Variants in TMUB1 observed in about 807,000 individuals in gnomAD.
The protein encoded by TMUB1 is transmembrane and ubiquitin-like domain-containing protein 1.
In TMUB1, 9 loss-of-function variants were observed where a neutral mutation model predicts 16.2. That is an observed-to-expected ratio of 0.55 (90% CI 0.33 to 0.97). The LOEUF is 0.97. Among genes scored for constraint, TMUB1 ranks in the 50% least tolerant of loss-of-function variants. TMUB1 has a pLI of 0.03. For missense variants in TMUB1, 309 were observed against 313.5 expected (o/e 0.99, Z 0.11); for synonymous variants, 155 against 152.2 (o/e 1.02, Z -0.13).
In TMUB1 at chr7:151,082,815, C is replaced by T. The variant is rs767665949; in HGVS notation, c.-30-222G>A. 57 of 391,682 alleles carry T rather than the reference C, an allele frequency of 1.5e-4. No homozygotes were observed. Among genetic ancestry groups the T allele is most frequent in the Non-Finnish European group, 2.3e-4 (52 of 221,380 alleles). The allele number at this position is 391,682 out of a possible 1,614,324, so 24.3% of individuals were successfully genotyped here. ...ATCCCAAGTCCTAACTTTCTGTCAT[C>T]TGAGCTCGAGGTCTTCAACCAGCTC... On this transcript the variant is annotated intron_variant, in intron 1 of 2. Transcript: ENST00000297533. The surrounding 1 kb of genome is among the most constrained non-coding windows in gnomAD (Gnocchi z 7.0).
chr7:151,081,554 G>A lies in TMUB1; in HGVS notation c.736C>T (p.Pro246Ser), dbSNP rs750053509. The change falls in exon 3 of 3, where the codon CCG (proline) becomes TCG (serine). Residue 246 changes from proline to serine, a missense_variant. By Grantham distance (74) the Pro-to-Ser change is moderately conservative. Coordinates refer to ENST00000297533, the MANE Select transcript of TMUB1 (RefSeq NM_001136044.2). This position sits in a 1 kb window ranked among gnomAD's most constrained non-coding sequence, Gnocchi z 7.6. ...LSLLAFAMYR[P>S] ...GCCAAGCGCCCGCGGAGGCACTACG[G>A]GCGGTACATGGCAAAGGCCAGGAGA... 1.9e-6 allele frequency: 3 copies of A among 1,593,550 alleles called. No individual in the cohort carries two copies. The highest frequency in any genetic ancestry group is 2.6e-6 in the Non-Finnish European group (3 of 1,168,790).
chr7:151,081,679 A>C lies in TMUB1; in HGVS notation c.611T>G (p.Leu204Arg). 2 of 1,589,936 alleles carry C rather than the reference A, an allele frequency of 1.3e-6. No individual in the cohort carries two copies. The highest frequency in any genetic ancestry group is 1.7e-6 in the Non-Finnish European group (2 of 1,168,560). The change falls in exon 3 of 3, where the codon CTC becomes CGC. Residue 204 changes from leucine to arginine, a missense_variant. Coordinates refer to ENST00000297533, the MANE Select transcript of TMUB1 (RefSeq NM_001136044.2). The surrounding 1 kb of genome is among the most constrained non-coding windows in gnomAD (Gnocchi z 7.6). Reference protein sequence around the residue: ...EIGSLLLPLLLLLLLLLWYCQ... With the variant: ...EIGSLLLPLLRLLLLLLWYCQ... ...GTACCAGAGCAGCAGCAACAGCAGG[A>C]GCAGCAGGGGCAGCAGCAGGCTGCC...
At position 151,081,985 on chromosome 7, in the gene TMUB1, T is replaced by C. The variant is rs878908424; in HGVS notation, c.390-85A>G. The C allele has an allele frequency of 1.4e-6, 2 of 1,398,854 alleles. No individual in the cohort carries two copies. The highest frequency in any genetic ancestry group is 1.9e-6 in the Non-Finnish European group (2 of 1,052,286). 86.7% of individuals were successfully genotyped at this position (1,398,854 alleles called of 1,614,324 possible). ...CGGAACAGCACTCCCACCCTCCCCC[T>C]GCCCTCCACAACACACCGGCCCTGG... On this transcript the variant is annotated intron_variant, in intron 2 of 2. Coordinates refer to ENST00000297533, the MANE Select transcript of TMUB1 (RefSeq NM_001136044.2). The surrounding 1 kb of genome is among the most constrained non-coding windows in gnomAD (Gnocchi z 7.6).
chr7:151,081,963 A>T lies in TMUB1; in HGVS notation c.390-63T>A. 1 of 1,440,946 alleles carries T rather than the reference A, an allele frequency of 6.9e-7. No individual in the cohort carries two copies. The allele number at this position is 1,440,946 out of a possible 1,614,324, so 89.3% of individuals were successfully genotyped here. Reference sequence around the variant, plus strand: ...AGGCAATCCTAGTCCCTGGCCCCGGAACAGCACTCCCACCCTCCCCCTGCC... The same window carrying T: ...AGGCAATCCTAGTCCCTGGCCCCGGTACAGCACTCCCACCCTCCCCCTGCC... On this transcript the variant is annotated intron_variant, in intron 2 of 2. Transcript: ENST00000297533. This position sits in a 1 kb window ranked among gnomAD's most constrained non-coding sequence, Gnocchi z 7.6.
chr7:151,081,990 T>G lies in TMUB1; in HGVS notation c.390-90A>C. On this transcript the variant is annotated intron_variant, in intron 2 of 2. Transcript: ENST00000297533. The surrounding 1 kb of genome is among the most constrained non-coding windows in gnomAD (Gnocchi z 7.6). ...CAGCACTCCCACCCTCCCCCTGCCC[T>G]CCACAACACACCGGCCCTGGCCTGG... 1 of 1,400,718 alleles carries G rather than the reference T, an allele frequency of 7.1e-7. No homozygotes were observed. The highest frequency in any genetic ancestry group is 9.5e-7 in the Non-Finnish European group (1 of 1,054,470). The allele number at this position is 1,400,718 out of a possible 1,614,324, so 86.8% of individuals were successfully genotyped here. A position where few individuals can be genotyped will look rare whatever the true frequency, so the allele number is the denominator to read the frequency against.
chr7:151,082,792 C>T lies in TMUB1; in HGVS notation c.-30-199G>A. On this transcript the variant is annotated intron_variant, in intron 1 of 2. Transcript: ENST00000297533. This position sits in a 1 kb window ranked among gnomAD's most constrained non-coding sequence, Gnocchi z 7.0. ...CGGGTGCCCCTTCCCATCGCCGAAT[C>T]CCAAGTCCTAACTTTCTGTCATCTG... 2.5e-6 allele frequency: 1 copy of T among 408,080 alleles called. No individual in the cohort carries two copies. The highest frequency in any genetic ancestry group is 3.6e-5 in the East Asian group (1 of 27,692). 25.3% of individuals were successfully genotyped at this position (408,080 alleles called of 1,614,324 possible).
In TMUB1 at chr7:151,082,140, T is replaced by A; in HGVS notation, c.389+35A>T. 6.7e-7 allele frequency: 1 copy of A among 1,495,526 alleles called. No homozygotes were observed. Among genetic ancestry groups the A allele is most frequent in the Non-Finnish European group, 8.9e-7 (1 of 1,122,350 alleles). 92.6% of individuals were successfully genotyped at this position (1,495,526 alleles called of 1,614,324 possible). ...TCTGCGACCACTCTCCCAACCCCTG[T>A]CTTTAGCATTGCTCCTGCCTCTTGA... On this transcript the variant is annotated intron_variant, in intron 2 of 2. Coordinates refer to ENST00000297533, the MANE Select transcript of TMUB1 (RefSeq NM_001136044.2). This position sits in a 1 kb window ranked among gnomAD's most constrained non-coding sequence, Gnocchi z 7.0.
chr7:151,081,743 G>A lies in TMUB1; in HGVS notation c.547C>T (p.Pro183Ser). The A allele has an allele frequency of 6.3e-7, 1 of 1,591,070 alleles. No individual in the cohort carries two copies. Among genetic ancestry groups the A allele is most frequent in the Admixed American group, 1.8e-5 (1 of 55,174 alleles). Reference sequence around the variant, plus strand: ...GAGGGGCCGGGCTCGGACCCCGGCGGGCAGGGGGGATTTGGGGGACCGACT... The same window carrying A: ...GAGGGGCCGGGCTCGGACCCCGGCGAGCAGGGGGGATTTGGGGGACCGACT... Reference protein sequence around the residue: ...TRVGPPNPPCPPGSEPGPSGL... With the variant: ...TRVGPPNPPCSPGSEPGPSGL... Residue 183 changes from proline (P) to serine (S), a missense_variant, in exon 3 of 3, where the codon CCG becomes TCG. By Grantham distance (74) the Pro-to-Ser change is moderately conservative. Transcript: ENST00000297533. The surrounding 1 kb of genome is among the most constrained non-coding windows in gnomAD (Gnocchi z 7.6).
In TMUB1 at chr7:151,082,158, C is replaced by T. The variant is rs765376140; in HGVS notation, c.389+17G>A. ...ACCCCTGTCTTTAGCATTGCTCCTG[C>T]CTCTTGACCTACTTACCTTTTCAAG... On this transcript the variant is annotated intron_variant, in intron 2 of 2. Coordinates refer to ENST00000297533, the MANE Select transcript of TMUB1 (RefSeq NM_001136044.2). This position sits in a 1 kb window ranked among gnomAD's most constrained non-coding sequence, Gnocchi z 7.0. 1.3e-6 allele frequency: 2 copies of T among 1,501,456 alleles called. No individual in the cohort carries two copies. The highest frequency in any genetic ancestry group is 2.7e-5 in the South Asian group (2 of 73,464). 93.0% of individuals were successfully genotyped at this position (1,501,456 alleles called of 1,614,324 possible).
Position 151,082,608 on chromosome 7 carries a change from A to T in TMUB1, c.-30-15T>A, listed in dbSNP as rs201041502. 1.4e-6 allele frequency: 2 copies of T among 1,460,580 alleles called. No homozygotes were observed. Among genetic ancestry groups the T allele is most frequent in the Non-Finnish European group, 1.8e-6 (2 of 1,105,528 alleles). 90.5% of individuals were successfully genotyped at this position (1,460,580 alleles called of 1,614,324 possible). A position where few individuals can be genotyped will look rare whatever the true frequency, so the allele number is the denominator to read the frequency against. ...GCGCTACCGAGCTGGAGAGGCACAA[A>T]GAGCCCGTGAGGCCCGGGCCCCCTG... On this transcript the variant is annotated splice_polypyrimidine_tract_variant and intron_variant, in intron 1 of 2. Transcript: ENST00000297533. The surrounding 1 kb of genome is among the most constrained non-coding windows in gnomAD (Gnocchi z 7.0).
chr7:151,082,112 C>T lies in TMUB1; in HGVS notation c.389+63G>A. The T allele has an allele frequency of 6.7e-7, 1 of 1,484,384 alleles. No individual in the cohort carries two copies. The highest frequency in any genetic ancestry group is 1.4e-5 in the South Asian group (1 of 70,224). 92.0% of individuals were successfully genotyped at this position (1,484,384 alleles called of 1,614,324 possible). Reference sequence around the variant, plus strand: ...GCTGGGTCTTAGGTGTCTCTGGGGGCCTTCTGCGACCACTCTCCCAACCCC... The same window carrying T: ...GCTGGGTCTTAGGTGTCTCTGGGGGTCTTCTGCGACCACTCTCCCAACCCC... On this transcript the variant is annotated intron_variant, in intron 2 of 2. Transcript: ENST00000297533. This position sits in a 1 kb window ranked among gnomAD's most constrained non-coding sequence, Gnocchi z 7.0.
Position 151,082,593 on chromosome 7 carries a change from G to A in TMUB1, c.-30C>T, listed in dbSNP as rs1442731025. On this transcript the variant is annotated splice_region_variant and 5_prime_UTR_variant, in exon 2 of 3. Transcript: ENST00000297533. This position sits in a 1 kb window ranked among gnomAD's most constrained non-coding sequence, Gnocchi z 7.0. ...CCTGCCTTGCCCGCCGCGCTACCGA[G>A]CTGGAGAGGCACAAAGAGCCCGTGA... 3 of 1,477,022 alleles carry A rather than the reference G, an allele frequency of 2.0e-6. No individual in the cohort carries two copies. Among genetic ancestry groups the A allele is most frequent in the African/African-American group, 1.4e-5 (1 of 69,670 alleles). 91.5% of individuals were successfully genotyped at this position (1,477,022 alleles called of 1,614,324 possible). A position where few individuals can be genotyped will look rare whatever the true frequency, so the allele number is the denominator to read the frequency against.
chr7:151,081,307 C>T lies in TMUB1; in HGVS notation c.*242G>A. The T allele has an allele frequency of 1.8e-6, 1 of 568,642 alleles. No individual in the cohort carries two copies. The highest frequency in any genetic ancestry group is 2.4e-6 in the Non-Finnish European group (1 of 411,552). 35.2% of individuals were successfully genotyped at this position (568,642 alleles called of 1,614,324 possible). A position where few individuals can be genotyped will look rare whatever the true frequency, so the allele number is the denominator to read the frequency against. On this transcript the variant is annotated 3_prime_UTR_variant, in exon 3 of 3. Transcript: ENST00000297533. The surrounding 1 kb of genome is among the most constrained non-coding windows in gnomAD (Gnocchi z 7.6). ...GGCAGCGACAGCAGATGCCCGACCC[C>T]GAGGAGCCCACTCCCAGTGCGGGCT...
Position 151,081,500 on chromosome 7 carries a change from G to A in TMUB1, c.*49C>T. The A allele has an allele frequency of 6.9e-7, 1 of 1,459,758 alleles. No homozygotes were observed. The highest frequency in any genetic ancestry group is 9.0e-7 in the Non-Finnish European group (1 of 1,105,698). 90.4% of individuals were successfully genotyped at this position (1,459,758 alleles called of 1,614,324 possible). A position where few individuals can be genotyped will look rare whatever the true frequency, so the allele number is the denominator to read the frequency against. On this transcript the variant is annotated 3_prime_UTR_variant, in exon 3 of 3. Transcript: ENST00000297533. This position sits in a 1 kb window ranked among gnomAD's most constrained non-coding sequence, Gnocchi z 7.6. ...GCAGCAGCTCCCGCCGCGGCGCGGG[G>A]AGCAAGGTCCGGAGGGGCCGGCGAC...
At position 151,081,618 on chromosome 7, in the gene TMUB1, G is replaced by A; in HGVS notation, c.672C>T (p.Thr224=). The change falls in exon 3 of 3, where the codon ACC becomes ACT. Residue 224 remains threonine (T), a synonymous_variant. Transcript: ENST00000297533. The surrounding 1 kb of genome is among the most constrained non-coding windows in gnomAD (Gnocchi z 7.6). The part of the protein sequence containing the change: ...QIQYRPFFPL[T]ATLGLAGFTL... ...TGAAGCCGGCCAGGCCCAGAGTGGC[G>A]GTCAGGGGAAAGAAGGGCCGGTACT... is the stretch of plus-strand genomic sequence containing the variant. The A allele has an allele frequency of 7.5e-6, 12 of 1,605,336 alleles. No homozygotes were observed. The highest frequency in any genetic ancestry group is 1.0e-5 in the Non-Finnish European group (12 of 1,176,408).
In TMUB1 at chr7:151,082,751, G is replaced by A. The variant is rs1798032814; in HGVS notation, c.-30-158C>T. 4 of 515,136 alleles carry A rather than the reference G, an allele frequency of 7.8e-6. No individual in the cohort carries two copies. The highest frequency in any genetic ancestry group is 7.3e-5 in the South Asian group (1 of 13,640). 31.9% of individuals were successfully genotyped at this position (515,136 alleles called of 1,614,324 possible). A position where few individuals can be genotyped will look rare whatever the true frequency, so the allele number is the denominator to read the frequency against. On this transcript the variant is annotated intron_variant, in intron 1 of 2. Transcript: ENST00000297533. This position sits in a 1 kb window ranked among gnomAD's most constrained non-coding sequence, Gnocchi z 7.0. ...GTACCGGCTTCTCTGCCTCCCAGTC[G>A]CCCCAAACTTGCCTCCGGGTGCCCC... is the stretch of plus-strand genomic sequence containing the variant.
chr7:151,082,895 A>C lies in TMUB1; in HGVS notation c.-30-302T>G. The C allele has an allele frequency of 3.6e-6, 1 of 274,376 alleles. No individual in the cohort carries two copies. 17.0% of individuals were successfully genotyped at this position (274,376 alleles called of 1,614,324 possible). A position where few individuals can be genotyped will look rare whatever the true frequency, so the allele number is the denominator to read the frequency against. ...AGGGCCTAAGCAACGCCTCTCCTAAACTTCACCCCAACCAAACTTCACCCC... is the reference window on the plus strand; with the variant it reads ...AGGGCCTAAGCAACGCCTCTCCTAACCTTCACCCCAACCAAACTTCACCCC... On this transcript the variant is annotated intron_variant, in intron 1 of 2. Transcript: ENST00000297533. This position sits in a 1 kb window ranked among gnomAD's most constrained non-coding sequence, Gnocchi z 7.0.
chr7:151,081,760 G>A lies in TMUB1; in HGVS notation c.530C>T (p.Pro177Leu), dbSNP rs1343683814. ...CCCCGGCGGGCAGGGGGGATTTGGG[G>A]GACCGACTCTCGTGGACACGTGGCA... ...LHCHVSTRVGPPNPPCPPGSE... is the reference protein window; with the variant it reads ...LHCHVSTRVGLPNPPCPPGSE... The change falls in exon 3 of 3, where the codon CCC becomes CTC. Residue 177 changes from proline (P) to leucine (L), a missense_variant. Transcript: ENST00000297533. This position sits in a 1 kb window ranked among gnomAD's most constrained non-coding sequence, Gnocchi z 7.6. 5 of 1,593,798 alleles carry A rather than the reference G, an allele frequency of 3.1e-6. No homozygotes were observed. Among genetic ancestry groups the A allele is most frequent in the Non-Finnish European group, 4.3e-6 (5 of 1,171,716 alleles).
Position 151,082,253 on chromosome 7 carries a change from A to T in TMUB1, c.311T>A (p.Val104Glu). The T allele has an allele frequency of 6.4e-7, 1 of 1,567,038 alleles. No individual in the cohort carries two copies. Among genetic ancestry groups the T allele is most frequent in the Non-Finnish European group, 8.7e-7 (1 of 1,155,636 alleles). Residue 104 changes from valine (V) to glutamate (E), a missense_variant, in exon 2 of 3, where the codon GTG (valine) becomes GAG (glutamate). Coordinates refer to ENST00000297533, the MANE Select transcript of TMUB1 (RefSeq NM_001136044.2). This position sits in a 1 kb window ranked among gnomAD's most constrained non-coding sequence, Gnocchi z 7.0. ...ATCATTGAGGAATTTCAGCCGTAGC[A>T]CGAGGGGCTCCTGCGGGGAGTCCGG... The part of the protein sequence containing the change: ...PAPDSPQEPL[V>E]LRLKFLNDSE...
Sources: gnomAD v4.1 joint callset for allele counts on GRCh38, gnomAD v4.1.1 for gene constraint, Gnocchi (gnomAD v3.1) non-coding constraint, MANE v1.5 for transcripts, NCBI Gene and HGNC (gene_info 2026-07-23, HGNC 2026-07-21) for gene names.